Variants in SMIM14 observed in about 807,000 individuals in gnomAD.
SMIM14 encodes chromosome 4 open reading frame 34.
In SMIM14, 5 loss-of-function variants were observed where a neutral mutation model predicts 12.6. The observed-to-expected ratio is 0.40, with a 90% confidence interval of 0.21 to 0.83. SMIM14 has a LOEUF of 0.83. SMIM14 is among the 40% of genes least tolerant of loss of function. SMIM14 has a pLI of 0.37. For synonymous variants in SMIM14, 30 were observed against 40.1 expected (o/e 0.75, Z 0.95); for missense variants, 86 against 119.1 (o/e 0.72, Z 1.29).
At chr4:39,637,977 G>A (rs920450999) in intron 1 of SMIM14, among the ~76,000 whole-genome samples, 2 of 152,174 alleles carry the variant, frequency 1.3e-5, no homozygotes, top group Non-Finnish European at 2.9e-5. Flanking sequence ...CCTCGGTTTT[G>A]CCAACTGGGG....
intron 3 of SMIM14, among the ~76,000 whole-genome samples, chr4:39,570,158 T>G (rs566684631): frequency 1.4e-4 from 21 of 152,256 alleles, no homozygotes; most frequent in Non-Finnish European, 2.6e-4. Context: ...ATCTATCTTT[T>G]TTTTGTTTTT....
chr4:39,590,515 T>C (rs1454371872), intron 2 of SMIM14, among the ~76,000 whole-genome samples: 1 of 150,472 alleles, frequency 6.6e-6, no homozygotes, highest in African/African-American at 2.4e-5. Flanking sequence ...AAATCCATAG[T>C]TATCGGCTGG....
chr4:39,632,176 T>TCAGAGA (rs1560312334), intron 1 of SMIM14, among the ~76,000 whole-genome samples: 1 of 152,156 alleles, frequency 6.6e-6, no homozygotes, highest in Non-Finnish European at 1.5e-5. Flanking sequence ...TTTCCTCTCC[T>TCAGAGA]CAGAGATAGC....
At chr4:39,575,248 G>A (rs1003371699) in intron 2 of SMIM14, among the ~76,000 whole-genome samples, 11 of 152,096 alleles carry the variant, frequency 7.2e-5, no homozygotes, top group Admixed American at 2.6e-4. Flanking sequence ...TTATCATATT[G>A]CCTAGGCTGG....
chr4:39,598,976 T>C (rs1560299150), intron 2 of SMIM14, among the ~76,000 whole-genome samples: 1 of 152,214 alleles, frequency 6.6e-6, no homozygotes, highest in Non-Finnish European at 1.5e-5. Flanking sequence ...ATCTGCTTTC[T>C]ACACTCAAAA....
chr4:39,574,251 T>C (rs1713049076), intron 2 of SMIM14, among the ~76,000 whole-genome samples: 1 of 148,904 alleles, frequency 6.7e-6, no homozygotes, highest in Admixed American at 6.6e-5. Context: ...TTTTTTTTTT[T>C]TTTTTTCTTT....
intron 2 of SMIM14, among the ~76,000 whole-genome samples, chr4:39,591,591 T>C (rs1442417097): frequency 6.6e-6 from 1 of 152,114 alleles, no homozygotes; most frequent in African/African-American, 2.4e-5. Flanking sequence ...AGTCTCCCTC[T>C]GTCACGCAGG....
chr4:39,555,027 G>GA (rs1414453728), intron 4 of SMIM14, among the ~76,000 whole-genome samples: 1 of 151,580 alleles, frequency 6.6e-6, no homozygotes, highest in African/African-American at 2.4e-5. Context: ...CTAGAGACAG[G>GA]GTTTCACCAT....
intron 1 of SMIM14, among the ~76,000 whole-genome samples, chr4:39,631,356 T>C (rs1311333625): frequency 1.4e-5 from 2 of 147,722 alleles, no homozygotes; most frequent in African/African-American, 2.5e-5. Flanking sequence ...AGAGCAAACT[T>C]GTTTTTAAAA....
rs1711737001 is a variant in SMIM14 at position 39,551,986 on chromosome 4, A to G, written c.*140T>C. ...AAATAAACTTGCAAGTGAAATTTCT[A>G]GAAGCTCATGAAAACAATACCATCC... On this transcript the variant is annotated 3_prime_UTR_variant, in exon 5 of 5. Coordinates refer to ENST00000295958, the MANE Select transcript of SMIM14 (RefSeq NM_174921.3). 2 of 553,838 alleles carry G rather than the reference A, an allele frequency of 3.6e-6. No individual in the cohort carries two copies. The highest frequency in any genetic ancestry group is 6.1e-6 in the Non-Finnish European group (2 of 330,102). 34.3% of individuals were successfully genotyped at this position (553,838 alleles called of 1,614,324 possible).
At chr4:39,589,028 G>T (rs866423247) in intron 2 of SMIM14, among the ~76,000 whole-genome samples, 1 of 152,074 alleles carries the variant, frequency 6.6e-6, no homozygotes, top group Middle Eastern at 3.2e-3. Flanking sequence ...CTGATAAAAA[G>T]GAATCTGACC....
At chr4:39,555,131 C>A (rs1163022027) in intron 4 of SMIM14, among the ~76,000 whole-genome samples, 4 of 149,304 alleles carry the variant, frequency 2.7e-5, no homozygotes, top group African/African-American at 9.9e-5. Flanking sequence ...CCACCGCGCC[C>A]GGCCTCATGG....
intron 1 of SMIM14, among the ~76,000 whole-genome samples, chr4:39,637,423 A>G (rs1370038396): frequency 6.6e-6 from 1 of 152,198 alleles, no homozygotes; most frequent in African/African-American, 2.4e-5. Context: ...TAAGGGGTTC[A>G]TGTTATACCA....
intron 1 of SMIM14, among the ~76,000 whole-genome samples, chr4:39,617,958 A>G (rs982837167): frequency 2.0e-5 from 3 of 152,224 alleles, no homozygotes; most frequent in Admixed American, 6.5e-5. Context: ...TTTGTTTTTT[A>G]TCTTCTCCCA....
At chr4:39,634,509 T>C (rs968212071) in intron 1 of SMIM14, among the ~76,000 whole-genome samples, 1 of 152,204 alleles carries the variant, frequency 6.6e-6, no homozygotes, top group African/African-American at 2.4e-5. Context: ...CTGAGTTGCT[T>C]TGCAGTTAAA....
chr4:39,631,699 A>T (rs1485697618), intron 1 of SMIM14, among the ~76,000 whole-genome samples: 1 of 152,162 alleles, frequency 6.6e-6, no homozygotes, highest in African/African-American at 2.4e-5. Context: ...ATAAAAGATG[A>T]TAGCAGCCAG....
intron 3 of SMIM14, among the ~76,000 whole-genome samples, chr4:39,564,156 A>T (rs1712459502): frequency 6.6e-6 from 1 of 152,242 alleles, no homozygotes; most frequent in Admixed American, 6.5e-5. Flanking sequence ...TCCTCAGAAG[A>T]TTATTTGTAT....
At chr4:39,622,644 G>A (rs186419462) in intron 1 of SMIM14, among the ~76,000 whole-genome samples, 6 of 152,176 alleles carry the variant, frequency 3.9e-5, no homozygotes, top group Admixed American at 6.5e-5. Flanking sequence ...CAAGTGATCC[G>A]CCGCCTCTGC....
At chr4:39,601,571 G>A (rs1714612306) in intron 2 of SMIM14, among the ~76,000 whole-genome samples, 1 of 152,168 alleles carries the variant, frequency 6.6e-6, no homozygotes, top group African/African-American at 2.4e-5. Flanking sequence ...TAAAATACAG[G>A]CTGGGAGTTA....
Sources: gnomAD v4.1 joint callset for allele counts (sites outside exome capture counted in the v4.1 genomes callset) on GRCh38, gnomAD v4.1.1 for gene constraint, MANE v1.5 for transcripts, NCBI Gene and HGNC (gene_info 2026-07-23, HGNC 2026-07-21) for gene names.